The following XXYLT1 variants were observed in gnomAD, a reference collection of about 807,000 sequenced individuals.
The protein encoded by XXYLT1 is xyloside xylosyltransferase 1.
A neutral mutation model predicts 28.9 loss-of-function variants in XXYLT1; 20 were observed. That is an observed-to-expected ratio of 0.69 (90% CI 0.49 to 1.00). XXYLT1 has a LOEUF of 1.00. XXYLT1 is among the 50% of genes least tolerant of loss of function. The pLI is 0.00. For missense variants in XXYLT1, 542 were observed against 560.1 expected (o/e 0.97, Z 0.33); for synonymous variants, 257 against 253.8 (o/e 1.01, Z -0.12).
At chr3:195,116,056 C>G (rs1009805973) in intron 3 of XXYLT1, among the ~76,000 whole-genome samples, 2 of 152,082 alleles carry the variant, frequency 1.3e-5, no homozygotes, top group Non-Finnish European at 2.9e-5. Flanking sequence ...TAAGACTCAG[C>G]GACAGGGAGA....
chr3:195,111,661 G>A (rs1717724355), intron 3 of XXYLT1, among the ~76,000 whole-genome samples: 1 of 152,090 alleles, frequency 6.6e-6, no homozygotes, highest in Admixed American at 6.5e-5. Context: ...ACTATCACTG[G>A]CCCACCCATC....
Position 195,195,695 on chromosome 3 carries a change from C to A in XXYLT1, c.652+31014G>T, listed in dbSNP as rs1186506424. On this transcript the variant is annotated intron_variant, in intron 2 of 3. Transcript: ENST00000310380. The surrounding 1 kb of genome is among the most constrained non-coding windows in gnomAD (Gnocchi z 4.4). The stretch of plus-strand genomic sequence containing the variant: ...GCCCGGGAACTCCATTCATACAGCT[C>A]TCAGGAACAGCTCGGAGGGCCCGGG... Among the ~76,000 whole-genome samples, 1 of 152,176 alleles carries A rather than the reference C, an allele frequency of 6.6e-6. No individual in the cohort carries two copies. The highest frequency in any genetic ancestry group is 1.5e-5 in the Non-Finnish European group (1 of 68,032).
rs551977965 is a variant in XXYLT1, at chr3:195,072,747, C to T, written c.786-2636G>A. Among the ~76,000 whole-genome samples the T allele has an allele frequency of 1.3e-4, 20 of 152,300 alleles. No homozygotes were observed. In the South Asian group the frequency reaches 1.9e-3, roughly 14 times the overall value. ...GACTGTCCCCACCCAAAGCGATGTT[C>T]AGGGGGCCCTTGTTCAAGGCGTCCC... is the stretch of plus-strand genomic sequence containing the variant. On this transcript the variant is annotated intron_variant, in intron 3 of 3. Coordinates refer to ENST00000310380, the MANE Select transcript of XXYLT1 (RefSeq NM_152531.5).
Position 195,129,177 on chromosome 3 carries a change from A to C in XXYLT1, c.785+27272T>G, listed in dbSNP as rs1577060402. On this transcript the variant is annotated intron_variant, in intron 3 of 3. Coordinates refer to ENST00000310380, the MANE Select transcript of XXYLT1 (RefSeq NM_152531.5). This position sits in a 1 kb window ranked among gnomAD's most constrained non-coding sequence, Gnocchi z 4.4. ...CAGCAGAGTTTAGCGTGAACACTGA[A>C]GTCTGCACTTATACGGCAGCCATTT... Among the ~76,000 whole-genome samples the C allele has an allele frequency of 6.6e-6, 1 of 152,290 alleles. No individual in the cohort carries two copies. Among genetic ancestry groups the C allele is most frequent in the Non-Finnish European group, 1.5e-5 (1 of 68,024 alleles).
intron 2 of XXYLT1, among the ~76,000 whole-genome samples, chr3:195,178,952 G>C (rs1354599594): frequency 2.6e-5 from 4 of 151,660 alleles, no homozygotes; most frequent in African/African-American, 9.8e-5. Context: ...AGATGGAAGA[G>C]GCTACTCTGA....
intron 3 of XXYLT1, among the ~76,000 whole-genome samples, chr3:195,072,958 A>G (rs747519241): frequency 6.6e-6 from 1 of 152,184 alleles, no homozygotes; most frequent in Non-Finnish European, 1.5e-5. Context: ...AAAATGGCCT[A>G]AACAGGCAGT....
chr3:195,096,004 TA>T (rs1716419684), intron 3 of XXYLT1: 1 of 152,084 alleles, frequency 6.6e-6, no homozygotes, highest in Non-Finnish European at 1.5e-5. Context: ...ATTCAATATG[TA>T]ATATATAGCA....
chr3:195,110,247 TG>T (rs1560100515), intron 3 of XXYLT1, among the ~76,000 whole-genome samples: 105 of 40,924 alleles, frequency 2.6e-3, no homozygotes, highest in East Asian at 5.5e-3. Flanking sequence ...TGTGCGTGTG[TG>T]GGTGAAGTGT....
intron 3 of XXYLT1, among the ~76,000 whole-genome samples, chr3:195,080,990 C>G (rs918650665): frequency 6.6e-6 from 1 of 152,220 alleles, no homozygotes; most frequent in South Asian, 2.1e-4. Context: ...TGTCCCTGAT[C>G]GCTGTCCTAC....
rs376313831 is a variant in XXYLT1, at chr3:195,111,912, C to T, written c.786-41801G>A. On this transcript the variant is annotated intron_variant, in intron 3 of 3. Coordinates refer to ENST00000310380, the MANE Select transcript of XXYLT1 (RefSeq NM_152531.5). ...TACAAGATCATTTGCTCGCCCCAAT[C>T]GTGGAAGCTTGATTCAAATAGCGCG... is the stretch of plus-strand genomic sequence containing the variant. Among the ~76,000 whole-genome samples, 8 of 152,286 alleles carry T rather than the reference C, an allele frequency of 5.3e-5. No individual in the cohort carries two copies. The East Asian group carries it at 1.3e-3, about 26-fold the overall frequency.
intron 2 of XXYLT1, among the ~76,000 whole-genome samples, chr3:195,190,353 G>T (rs1219766525): frequency 6.6e-6 from 1 of 151,980 alleles, no homozygotes; most frequent in East Asian, 1.9e-4. Flanking sequence ...AAGTTAACCA[G>T]GCTTGGTGGC....
intron 1 of XXYLT1, among the ~76,000 whole-genome samples, chr3:195,239,509 C>T (rs1180508354): frequency 1.3e-5 from 2 of 152,092 alleles, no homozygotes; most frequent in African/African-American, 2.4e-5. Context: ...AGGCAATTAG[C>T]CAATGAGAAG....
chr3:195,159,508 T>C (rs1391296725), intron 2 of XXYLT1, among the ~76,000 whole-genome samples: 24 of 152,184 alleles, frequency 1.6e-4, no homozygotes, highest in Admixed American at 1.5e-3. Context: ...CCAAAGGGTG[T>C]GCTCAGGACT....
Position 195,122,059 on chromosome 3 carries a change from G to T in XXYLT1, c.785+34390C>A, listed in dbSNP as rs950786698. On this transcript the variant is annotated intron_variant, in intron 3 of 3. Coordinates refer to ENST00000310380, the MANE Select transcript of XXYLT1 (RefSeq NM_152531.5). ...AGGCTGGGAAGTCCAAGACCAACGT[G>T]CCCACTGATTCTGTGTCTGGTGAGG... 4.3e-6 allele frequency: 3 copies of T among 702,888 alleles called. No individual in the cohort carries two copies. The African/African-American group carries it at 5.2e-5, about 12-fold the overall frequency. The allele number at this position is 702,888 out of a possible 1,614,324, so 43.5% of individuals were successfully genotyped here.
intron 1 of XXYLT1, among the ~76,000 whole-genome samples, chr3:195,259,857 G>A (rs1266830284): frequency 4.6e-5 from 7 of 152,230 alleles, no homozygotes; most frequent in Admixed American, 1.3e-4. Flanking sequence ...GTGTGACGGG[G>A]ACCGGGCGGA....
chr3:195,172,743 T>A (rs1577107041), intron 2 of XXYLT1, among the ~76,000 whole-genome samples: 1 of 152,124 alleles, frequency 6.6e-6, no homozygotes, highest in South Asian at 2.1e-4. Flanking sequence ...TGGCATCGGA[T>A]AGTCAGGGAA....
At chr3:195,177,212 A>G (rs571280463) in intron 2 of XXYLT1, among the ~76,000 whole-genome samples, 1 of 152,274 alleles carries the variant, frequency 6.6e-6, no homozygotes, top group South Asian at 2.1e-4. Flanking sequence ...ATATGCACAC[A>G]GTATTATATT....
chr3:195,257,604 G>T lies in XXYLT1; in HGVS notation c.504+12951C>A, dbSNP rs978236686. 2.6e-5 allele frequency among the ~76,000 whole-genome samples: 4 copies of T among 152,192 alleles called. No homozygotes were observed. In the East Asian group the frequency reaches 5.8e-4, roughly 22 times the overall value. ...TCCAGCCAGGTGGATCACCATGGCAGCCAGGTACATCCTGGCTGGGCCGGC... is the reference window on the plus strand; with the variant it reads ...TCCAGCCAGGTGGATCACCATGGCATCCAGGTACATCCTGGCTGGGCCGGC... On this transcript the variant is annotated intron_variant, in intron 1 of 3. Coordinates refer to ENST00000310380, the MANE Select transcript of XXYLT1 (RefSeq NM_152531.5). This position sits in a 1 kb window ranked among gnomAD's most constrained non-coding sequence, Gnocchi z 4.3.
chr3:195,260,593 TGAAGACGACAG>T (rs1490282688), intron 1 of XXYLT1, among the ~76,000 whole-genome samples: 1 of 152,122 alleles, frequency 6.6e-6, no homozygotes, highest in Non-Finnish European at 1.5e-5. Context: ...CTAGGATAGG[TGAAGACGACAG>T]GCCCTGCCAC....
Sources: gnomAD v4.1 joint callset for allele counts (sites outside exome capture counted in the v4.1 genomes callset) on GRCh38, gnomAD v4.1.1 for gene constraint, Gnocchi (gnomAD v3.1) non-coding constraint, MANE v1.5 for transcripts, NCBI Gene and HGNC (gene_info 2026-07-23, HGNC 2026-07-21) for gene names.